Variants in LCOR observed in about 807,000 individuals in gnomAD.
LCOR encodes ligand-dependent corepressor.
In LCOR, 14 loss-of-function variants were observed where a neutral mutation model predicts 64.4. The ratio of observed to expected loss-of-function variants is 0.22; its 90% CI spans 0.14 to 0.34. The LOEUF is 0.34. Among genes scored for constraint, LCOR ranks in the 10% least tolerant of loss-of-function variants. The probability of loss-of-function intolerance (pLI) is 1.00; values close to 1 mark genes in which losing one functional copy is unlikely to be tolerated. For missense variants in LCOR, 1,686 were observed against 1,765.3 expected (o/e 0.96, Z 0.80); for synonymous variants, 643 against 642.5 (o/e 1.00, Z -0.01).
intron 4 of LCOR, among the ~76,000 whole-genome samples, chr10:96,920,827 T>C (rs893475848): frequency 4.4e-4 from 66 of 150,792 alleles, no homozygotes; most frequent in African/African-American, 1.5e-3. Context: ...AGACAGGATG[T>C]TACTCTGTTG....
chr10:96,966,475 G>A (rs867838038), intron 7 of LCOR, among the ~76,000 whole-genome samples: 22 of 152,034 alleles, frequency 1.4e-4, no homozygotes, highest in African/African-American at 4.3e-4. Context: ...TGATCCGCCC[G>A]TCTCGGCCTC....
In LCOR at chr10:96,984,099, C is replaced by A; in HGVS notation, c.3639C>A (p.Val1213=). 1 of 1,614,148 alleles carries A rather than the reference C, an allele frequency of 6.2e-7. No homozygotes were observed. Among genetic ancestry groups the A allele is most frequent in the South Asian group, 1.1e-5 (1 of 91,072 alleles). ...NTRLPGDVPP[V]KHPLQKYAPS... is the part of the protein sequence containing the mutation. ...GCCTTCCAGGAGACGTTCCCCCTGT[C>A]AAGCATCCTCTTCAGAAATACGCTC... The change falls in exon 8 of 8, where the codon GTC becomes GTA. Residue 1213 remains valine, a synonymous_variant. Transcript: ENST00000421806.
intron 2 of LCOR, among the ~76,000 whole-genome samples, chr10:96,850,802 G>T (rs1204316677): frequency 6.6e-6 from 1 of 152,196 alleles, no homozygotes; most frequent in Non-Finnish European, 1.5e-5. Flanking sequence ...GAGCAGCAGA[G>T]AAATTTATTG....
chr10:96,967,392 A>G (rs1216858895), intron 7 of LCOR, among the ~76,000 whole-genome samples: 5 of 152,160 alleles, frequency 3.3e-5, no homozygotes, highest in Non-Finnish European at 7.3e-5. Context: ...TTGGCCTCCC[A>G]AAGTGCTGGG....
Position 96,984,865 on chromosome 10 carries a change from C to T in LCOR, c.4405C>T (p.Pro1469Ser). The change falls in exon 8 of 8, where the codon CCT becomes TCT. Residue 1469 changes from proline (P) to serine (S), a missense_variant. Transcript: ENST00000421806. Reference protein sequence around the residue: ...IPKKSAGKSCPPSRKEKENTN... With the variant: ...IPKKSAGKSCSPSRKEKENTN... ...TAAAAAGTCCGCTGGGAAGAGCTGC[C>T]CTCCCTCCAGGAAAGAAAAAGAGAA... 1 of 1,614,010 alleles carries T rather than the reference C, an allele frequency of 6.2e-7. No homozygotes were observed. The highest frequency in any genetic ancestry group is 8.5e-7 in the Non-Finnish European group (1 of 1,180,014).
chr10:96,960,645 C>A (rs946561541), intron 7 of LCOR: 4 of 152,134 alleles, frequency 2.6e-5, no homozygotes, highest in African/African-American at 7.2e-5. Context: ...TTCCTTGTTA[C>A]CTTTAATTAG....
chr10:96,868,776 T>TC (rs1589617729), intron 2 of LCOR, among the ~76,000 whole-genome samples: 1 of 152,218 alleles, frequency 6.6e-6, no homozygotes, highest in East Asian at 1.9e-4. Flanking sequence ...GTCCATCTCC[T>TC]CCAAGTTTTA....
rs1343405198 is a variant in LCOR at position 96,981,147 on chromosome 10, G to C, written c.687G>C (p.Glu229Asp). 4.2e-6 allele frequency: 3 copies of C among 708,846 alleles called. No homozygotes were observed. Among genetic ancestry groups the C allele is most frequent in the Admixed American group, 2.0e-5 (1 of 49,998 alleles). 43.9% of individuals were successfully genotyped at this position (708,846 alleles called of 1,614,324 possible). A position where few individuals can be genotyped will look rare whatever the true frequency, so the allele number is the denominator to read the frequency against. ...AGACCCCGAAGAAGCCTCCTCCTGAGATAAACCCTGTAGATGGAAGAGAGA... is the reference window on the plus strand; with the variant it reads ...AGACCCCGAAGAAGCCTCCTCCTGACATAAACCCTGTAGATGGAAGAGAGA... ...TEQTPKKPPP[E>D]INPVDGRENA... is the part of the protein sequence containing the mutation. Residue 229 changes from glutamate to aspartate, a missense_variant, in exon 8 of 8, where the codon GAG becomes GAC. Glu to Asp is a conservative substitution (Grantham distance 45). Coordinates refer to ENST00000421806, the MANE Select transcript of LCOR (RefSeq NM_001346516.2).
intron 4 of LCOR, among the ~76,000 whole-genome samples, chr10:96,929,667 A>G (rs1204052611): frequency 2.0e-5 from 3 of 152,162 alleles, no homozygotes; most frequent in East Asian, 1.9e-4. Flanking sequence ...CTTTACATCC[A>G]CAAGTTGGCT....
rs1267246069 is a variant in LCOR at position 96,869,569 on chromosome 10, CTTT to C, written c.-330+36104_-330+36106del. Among the ~76,000 whole-genome samples, 314 of 134,068 alleles carry C rather than the reference CTTT, an allele frequency of 2.3e-3. 1 individual carries two copies. The highest frequency in any genetic ancestry group is 8.0e-3 in the African/African-American group (293 of 36,800). 88.0% of individuals were successfully genotyped at this position (134,068 alleles called of 152,430 possible). ...TCAGTAGTTCGTTCATTGGTTCTTT[CTTT>C]TTTTTTTTTTTTTCTTTTTTTAGAC... On this transcript the variant is annotated intron_variant, in intron 2 of 7. Transcript: ENST00000421806.
chr10:96,957,654 AT>A, intron 7 of LCOR: 1 of 985,400 alleles, frequency 1.0e-6, no homozygotes, highest in Non-Finnish European at 1.2e-6. Flanking sequence ...GGAGGTCCAG[AT>A]ATTTCCAAGG....
chr10:96,970,323 G>A (rs1230904562), intron 7 of LCOR, among the ~76,000 whole-genome samples: 5 of 151,944 alleles, frequency 3.3e-5, no homozygotes, highest in Non-Finnish European at 5.9e-5. Flanking sequence ...GCTTGAGCCC[G>A]GGAGGCGGAG....
chr10:96,876,807 G>C (rs1335137093), intron 2 of LCOR, among the ~76,000 whole-genome samples: 1 of 151,890 alleles, frequency 6.6e-6, no homozygotes, highest in African/African-American at 2.4e-5. Flanking sequence ...TCCTGCCTCA[G>C]GCCTCCCGAG....
intron 2 of LCOR, among the ~76,000 whole-genome samples, chr10:96,846,520 T>C (rs950540559): frequency 3.3e-5 from 5 of 152,160 alleles, no homozygotes; most frequent in Admixed American, 3.3e-4. Context: ...CCCAAAATGC[T>C]GTGATTACAG....
chr10:96,976,871 T>C (rs1420981232), intron 7 of LCOR, among the ~76,000 whole-genome samples: 2 of 152,218 alleles, frequency 1.3e-5, no homozygotes. Flanking sequence ...AAGCGGTACC[T>C]AGAAAATTTT....
chr10:96,917,611 A>G (rs1422382765), intron 4 of LCOR, among the ~76,000 whole-genome samples: 1 of 152,196 alleles, frequency 6.6e-6, no homozygotes. Flanking sequence ...TGTGTGTTTT[A>G]GAGTGGTTGG....
At chr10:96,930,151 A>G (rs1351151846) in intron 4 of LCOR, among the ~76,000 whole-genome samples, 1 of 152,248 alleles carries the variant, frequency 6.6e-6, no homozygotes, top group Non-Finnish European at 1.5e-5. Context: ...TGGTCGACAC[A>G]GGGTTGCCCC....
intron 1 of LCOR, chr10:96,832,944 C>T (rs1351004190): frequency 4.1e-6 from 4 of 970,022 alleles, no homozygotes; most frequent in Admixed American, 1.2e-4. Context: ...GGGCGCCCGG[C>T]GCTCGGGCGT....
chr10:96,944,087 A>G, intron 4 of LCOR, 26 bp from the exon 5 acceptor site: 4 of 985,490 alleles, frequency 4.1e-6, no homozygotes, highest in Non-Finnish European at 3.6e-6. Context: ...ACGTGTGTGC[A>G]ACTATTTCAC....
Sources: gnomAD v4.1 joint callset for allele counts (sites outside exome capture counted in the v4.1 genomes callset) on GRCh38, gnomAD v4.1.1 for gene constraint, MANE v1.5 for transcripts, NCBI Gene and HGNC (gene_info 2026-07-23, HGNC 2026-07-21) for gene names.